RAMP1: variants seen among roughly 807,000 people sequenced by gnomAD.
RAMP1 encodes the protein receptor activity-modifying protein 1.
RAMP1 carries 7 observed loss-of-function variants against 8.2 expected under a neutral mutation model. The observed-to-expected ratio is 0.85, with a 90% CI of 0.49 to 1.60. The LOEUF is 1.60. Ranked by LOEUF, RAMP1 falls within the 40% of genes most tolerant of loss-of-function variation. The pLI is 0.00. For synonymous variants in RAMP1, 92 were observed against 84.7 expected (o/e 1.09, Z -0.47); for missense variants, 192 against 202.4 (o/e 0.95, Z 0.31).
Position 237,875,682 on chromosome 2 carries a change from G to GA in RAMP1, c.53-1542_53-1541insA, listed in dbSNP as rs540965985. Among the ~76,000 whole-genome samples the GA allele has an allele frequency of 8.6e-4, 131 of 152,280 alleles. No individual in the cohort carries two copies. The East Asian group carries it at 0.021, about 25-fold the overall frequency. ...CCTGGCTCTTTGGGACCCACTCATGGCCTCAGCCCCGTGCAGGGCTCAGCC... is the reference window on the plus strand; with the variant it reads ...CCTGGCTCTTTGGGACCCACTCATGGACCTCAGCCCCGTGCAGGGCTCAGCC... On this transcript the variant is annotated intron_variant, in intron 1 of 2. Transcript: ENST00000254661.
At chr2:237,876,754 A>AG (rs1232456829) in intron 1 of RAMP1, among the ~76,000 whole-genome samples, 1 of 151,928 alleles carries the variant, frequency 6.6e-6, no homozygotes, top group Non-Finnish European at 1.5e-5. Flanking sequence ...GTATGGCTCG[A>AG]GGCAGGAGGA....
intron 2 of RAMP1, among the ~76,000 whole-genome samples, chr2:237,889,437 A>G (rs1368648836): frequency 6.6e-6 from 1 of 152,136 alleles, no homozygotes; most frequent in East Asian, 1.9e-4. Context: ...GCCAACCTCC[A>G]TTGTTTTGTG....
rs2062717440 is a variant in RAMP1 at position 237,911,731 on chromosome 2, T to C, written c.395T>C (p.Leu132Pro). 6.2e-7 allele frequency: 1 copy of C among 1,613,386 alleles called. No homozygotes were observed. Among genetic ancestry groups the C allele is most frequent in the South Asian group, 1.1e-5 (1 of 90,920 alleles). The change falls in exon 3 of 3, where the codon CTG (leucine) becomes CCG (proline). Residue 132 changes from leucine (L) to proline (P), a missense_variant. By Grantham distance (98) the Leu-to-Pro change is moderately conservative. Transcript: ENST00000254661. ...FIVVPITVTL[L>P]VTALVVWQSK... is the part of the protein sequence containing the mutation. The stretch of plus-strand genomic sequence containing the variant: ...GTGGTCCCCATCACGGTGACCCTGC[T>C]GGTGACGGCACTGGTGGTCTGGCAG...
chr2:237,891,357 A>T (rs1387522464), intron 2 of RAMP1, among the ~76,000 whole-genome samples: 3 of 152,018 alleles, frequency 2.0e-5, no homozygotes, highest in Non-Finnish European at 2.9e-5. Flanking sequence ...TCACCGTGTT[A>T]GCCAGGATGG....
chr2:237,893,966 C>CTTTTTT (rs1559948744), intron 2 of RAMP1, among the ~76,000 whole-genome samples: 1 of 102,580 alleles, frequency 9.7e-6, no homozygotes, highest in Non-Finnish European at 1.9e-5. Flanking sequence ...AATAAAAATA[C>CTTTTTT]TTTCTTTTTT....
At chr2:237,880,993 C>A (rs73092515) in intron 2 of RAMP1, among the ~76,000 whole-genome samples, 20,516 of 152,202 alleles carry the variant, frequency 0.13, 1,507 homozygotes, top group Middle Eastern at 0.21. Flanking sequence ...CCCTCCTCCT[C>A]CTGCCCCTGC....
chr2:237,911,984 A>T lies in RAMP1; in HGVS notation c.*201A>T. ...GCCCCCCTGGCTGGAGGCCACCGCC[A>T]CCCTAGGAAGGGGGCAGGGACGTGA... On this transcript the variant is annotated 3_prime_UTR_variant, in exon 3 of 3. Coordinates refer to ENST00000254661, the MANE Select transcript of RAMP1 (RefSeq NM_005855.4). 1 of 873,784 alleles carries T rather than the reference A, an allele frequency of 1.1e-6. No homozygotes were observed. Among genetic ancestry groups the T allele is most frequent in the Non-Finnish European group, 1.7e-6 (1 of 589,286 alleles). The allele number at this position is 873,784 out of a possible 1,614,324, so 54.1% of individuals were successfully genotyped here. A position where few individuals can be genotyped will look rare whatever the true frequency, so the allele number is the denominator to read the frequency against.
rs772506541 is a variant in RAMP1 at position 237,904,914 on chromosome 2, G to A, written c.192-6614G>A. On this transcript the variant is annotated intron_variant, in intron 2 of 2. Coordinates refer to ENST00000254661, the MANE Select transcript of RAMP1 (RefSeq NM_005855.4). Reference sequence around the variant, plus strand: ...CAGATATTTCATATTAGGGCCAGCCGGGGGTAGCTGGGGGACAACTGCAAC... The same window carrying A: ...CAGATATTTCATATTAGGGCCAGCCAGGGGTAGCTGGGGGACAACTGCAAC... 4.4e-4 allele frequency among the ~76,000 whole-genome samples: 67 copies of A among 152,226 alleles called. 1 individual carries two copies. Among genetic ancestry groups the A allele is most frequent in the Middle Eastern group, 3.4e-3 (1 of 294 alleles).
At chr2:237,859,845 G>A in intron 1 of RAMP1, 118 bp downstream of exon 1, 1 of 997,802 alleles carries the variant, frequency 1.0e-6, no homozygotes, top group Non-Finnish European at 1.3e-6. Context: ...GGCGCCGCGG[G>A]CGCACAGATC....
intron 2 of RAMP1, among the ~76,000 whole-genome samples, chr2:237,879,623 T>A (rs1439262573): frequency 7.7e-6 from 1 of 130,650 alleles, no homozygotes; most frequent in Non-Finnish European, 1.6e-5. Flanking sequence ...AGCACACCAA[T>A]ATGGCACATG....
intron 2 of RAMP1, among the ~76,000 whole-genome samples, chr2:237,882,988 C>G (rs986952818): frequency 1.4e-4 from 21 of 152,274 alleles, no homozygotes; most frequent in African/African-American, 5.1e-4. Flanking sequence ...AGGCAGGTGA[C>G]CTGATGGGGG....
chr2:237,883,962 C>A (rs543818306), intron 2 of RAMP1, among the ~76,000 whole-genome samples: 2 of 131,820 alleles, frequency 1.5e-5, no homozygotes, highest in Admixed American at 8.5e-5. Flanking sequence ...GTAGCCACTG[C>A]GCTTGCCCTG....
At chr2:237,891,105 T>A (rs2062483017) in intron 2 of RAMP1, among the ~76,000 whole-genome samples, 1 of 152,154 alleles carries the variant, frequency 6.6e-6, no homozygotes, top group African/African-American at 2.4e-5. Flanking sequence ...CTTTCCTCAT[T>A]CATCACTTTC....
chr2:237,877,319 G>A lies in RAMP1; in HGVS notation c.148G>A (p.Ala50Thr), dbSNP rs2062317197. ...CACCCAGTTCCAGGTAGACATGGAGGCCGTCGGGGAGACGCTGTGGTGTGA... is the reference window on the plus strand; with the variant it reads ...CACCCAGTTCCAGGTAGACATGGAGACCGTCGGGGAGACGCTGTGGTGTGA... Reference protein sequence around the residue: ...CLTQFQVDMEAVGETLWCDWG... With the variant: ...CLTQFQVDMETVGETLWCDWG... Residue 50 changes from alanine to threonine, a missense_variant, in exon 2 of 3, where the codon GCC becomes ACC. Coordinates refer to ENST00000254661, the MANE Select transcript of RAMP1 (RefSeq NM_005855.4). The surrounding 1 kb of genome is among the most constrained non-coding windows in gnomAD (Gnocchi z 4.4). 2 of 1,613,906 alleles carry A rather than the reference G, an allele frequency of 1.2e-6. No individual in the cohort carries two copies. The highest frequency in any genetic ancestry group is 1.7e-5 in the Admixed American group (1 of 59,994).
At chr2:237,887,671 G>T (rs898822682) in intron 2 of RAMP1, among the ~76,000 whole-genome samples, 1 of 152,192 alleles carries the variant, frequency 6.6e-6, no homozygotes, top group Non-Finnish European at 1.5e-5. Flanking sequence ...GGGCACAGTG[G>T]CTCACACCTG....
intron 2 of RAMP1, among the ~76,000 whole-genome samples, chr2:237,900,898 C>T (rs2062590868): frequency 6.6e-6 from 1 of 152,208 alleles, no homozygotes; most frequent in African/African-American, 2.4e-5. Flanking sequence ...CTTTGAAAAG[C>T]CGGCTGAGTC....
chr2:237,889,745 A>G (rs1310212712), intron 2 of RAMP1, among the ~76,000 whole-genome samples: 1 of 152,132 alleles, frequency 6.6e-6, no homozygotes, highest in Non-Finnish European at 1.5e-5. Flanking sequence ...CTCCCACCTC[A>G]GCCTCCCAAA....
intron 2 of RAMP1, among the ~76,000 whole-genome samples, chr2:237,886,089 C>T (rs1260482430): frequency 6.6e-6 from 1 of 152,194 alleles, no homozygotes; most frequent in Non-Finnish European, 1.5e-5. Flanking sequence ...GACGCCACTC[C>T]TGTGGCCTGC....
At chr2:237,901,692 G>T (rs1338886528) in intron 2 of RAMP1, among the ~76,000 whole-genome samples, 1 of 152,190 alleles carries the variant, frequency 6.6e-6, no homozygotes, top group African/African-American at 2.4e-5. Context: ...GGGTGGGAAG[G>T]TGTGGACGGT....
Sources: allele counts gnomAD v4.1 joint callset (sites outside exome capture counted in the v4.1 genomes callset), GRCh38; gene constraint gnomAD v4.1.1; non-coding constraint Gnocchi (gnomAD v3.1); transcripts MANE v1.5; gene names NCBI Gene and HGNC (gene_info 2026-07-23, HGNC 2026-07-21).